The following COG5 variants were observed in gnomAD, a reference collection of about 807,000 sequenced individuals.
COG5 encodes the protein conserved oligomeric Golgi complex subunit 5.
COG5 carries 86 observed loss-of-function variants against 110.4 expected under a neutral mutation model. The ratio of observed to expected loss-of-function variants is 0.78; its 90% CI spans 0.65 to 0.93. The LOEUF (loss-of-function observed/expected upper bound fraction) is 0.93. COG5 is among the 40% of genes least tolerant of loss of function. The probability of loss-of-function intolerance (pLI) is 0.00; values close to 1 mark genes in which losing one functional copy is unlikely to be tolerated. For missense variants in COG5, 1,077 were observed against 987.0 expected (o/e 1.09, Z -1.22); for synonymous variants, 360 against 334.6 (o/e 1.08, Z -0.83).
intron 6 of COG5, among the ~76,000 whole-genome samples, chr7:107,508,544 C>G (rs949939808): frequency 5.3e-5 from 8 of 152,216 alleles, no homozygotes; most frequent in Admixed American, 1.3e-4. Flanking sequence ...GGTTCTTCCA[C>G]TACGCAGCTG....
chr7:107,495,958 T>C (rs1798248726), intron 6 of COG5, among the ~76,000 whole-genome samples: 1 of 151,832 alleles, frequency 6.6e-6, no homozygotes, highest in South Asian at 2.1e-4. Flanking sequence ...AATTATTTTT[T>C]TTTTTAAGAG....
intron 16 of COG5, 109 bp downstream of exon 16, chr7:107,256,623 T>A (rs567321891): frequency 1.4e-6 from 1 of 716,616 alleles, no homozygotes; most frequent in Admixed American, 2.2e-5. Flanking sequence ...GCTACTTTTG[T>A]ATATATAGAG....
chr7:107,397,401 C>T (rs1293241000), intron 7 of COG5, among the ~76,000 whole-genome samples: 1 of 152,152 alleles, frequency 6.6e-6, no homozygotes, highest in South Asian at 2.1e-4. Context: ...ATGTTAGCAC[C>T]ACCTACACCC....
At chr7:107,512,039 T>C (rs1300306273) in intron 6 of COG5, among the ~76,000 whole-genome samples, 2 of 152,190 alleles carry the variant, frequency 1.3e-5, no homozygotes, top group East Asian at 3.8e-4. Context: ...TTGGAAGTTC[T>C]GGCCAGGGCA....
chr7:107,540,164 G>C (rs116943190), intron 5 of COG5, among the ~76,000 whole-genome samples: 74 of 152,314 alleles, frequency 4.9e-4, no homozygotes, highest in Middle Eastern at 3.4e-3. Flanking sequence ...GCATGTGTGA[G>C]AGGAAGCACA....
At chr7:107,412,348 TTAACGA>T (rs1272576074) in intron 7 of COG5, among the ~76,000 whole-genome samples, 148 bp downstream of exon 7, 1 of 144,676 alleles carries the variant, frequency 6.9e-6, no homozygotes, top group East Asian at 2.2e-4. Flanking sequence ...AAAATTTCCC[TTAACGA>T]TGACCCATTC....
At chr7:107,518,447 A>T (rs897790775) in intron 6 of COG5, among the ~76,000 whole-genome samples, 1 of 152,222 alleles carries the variant, frequency 6.6e-6, no homozygotes, top group African/African-American at 2.4e-5. Context: ...TAGGCTCAAA[A>T]TAAGAGGATA....
intron 6 of COG5, among the ~76,000 whole-genome samples, chr7:107,487,604 A>G (rs796918803): frequency 9.9e-5 from 15 of 152,272 alleles, no homozygotes; most frequent in African/African-American, 3.6e-4. Flanking sequence ...ATTAAGCAAA[A>G]ACCTCAAACA....
Position 107,378,294 on chromosome 7 carries a change from A to C in COG5, c.670-5534T>G, listed in dbSNP as rs973630797. On this transcript the variant is annotated intron_variant, in intron 7 of 21. Coordinates refer to ENST00000297135, the MANE Select transcript of COG5 (RefSeq NM_006348.5). Reference sequence around the variant, plus strand: ...CACCAACAGCAAAGACCAAAGGTAGATAAAACCACAAAGATGAGGAAAAAC... The same window carrying C: ...CACCAACAGCAAAGACCAAAGGTAGCTAAAACCACAAAGATGAGGAAAAAC... 2.0e-5 allele frequency among the ~76,000 whole-genome samples: 3 copies of C among 152,224 alleles called. No individual in the cohort carries two copies. The East Asian group carries it at 5.8e-4, about 29-fold the overall frequency.
At chr7:107,408,849 T>G (rs931278340) in intron 7 of COG5, among the ~76,000 whole-genome samples, 3 of 152,172 alleles carry the variant, frequency 2.0e-5, no homozygotes, top group African/African-American at 7.2e-5. Flanking sequence ...GGTAGCAATA[T>G]GTGCCCAACT....
At chr7:107,233,700 C>A (rs1191086297) in intron 18 of COG5, among the ~76,000 whole-genome samples, 1 of 152,062 alleles carries the variant, frequency 6.6e-6, no homozygotes, top group Non-Finnish European at 1.5e-5. Context: ...TTTTTGATTT[C>A]AGTGACCTCA....
At chr7:107,523,440 A>G (rs1800476215) in intron 6 of COG5, among the ~76,000 whole-genome samples, 1 of 152,098 alleles carries the variant, frequency 6.6e-6, no homozygotes, top group Non-Finnish European at 1.5e-5. Flanking sequence ...CATACCTATT[A>G]GAATGACTAA....
At position 107,201,895 on chromosome 7, in the gene COG5, A is replaced by G. The variant is rs544557530; in HGVS notation, c.*1621T>C. ...GCTGGGAGTCGGCCTTTCCTCTAGT[A>G]ACCACCACATGGCTCAGCATCTGTG... On this transcript the variant is annotated 3_prime_UTR_variant, in exon 22 of 22. Transcript: ENST00000297135. 5.2e-5 allele frequency: 8 copies of G among 153,398 alleles called. No individual in the cohort carries two copies. The highest frequency in any genetic ancestry group is 1.7e-4 in the African/African-American group (7 of 41,578). 9.5% of individuals were successfully genotyped at this position (153,398 alleles called of 1,614,324 possible).
At chr7:107,209,684 G>T in intron 21 of COG5, 1 of 362,444 alleles carries the variant, frequency 2.8e-6, no homozygotes, top group Non-Finnish European at 3.8e-6. Context: ...TGGCTGTGGT[G>T]TAATGCAAGC....
chr7:107,521,505 G>C (rs1401548510), intron 6 of COG5, among the ~76,000 whole-genome samples: 1 of 152,208 alleles, frequency 6.6e-6, no homozygotes, highest in East Asian at 1.9e-4. Context: ...CTTCTCAAAA[G>C]ACGACATTTA....
chr7:107,267,212 C>T (rs1201423930), intron 14 of COG5, among the ~76,000 whole-genome samples: 1 of 152,192 alleles, frequency 6.6e-6, no homozygotes, highest in Non-Finnish European at 1.5e-5. Context: ...CTTTCTCAAC[C>T]TAACTTTCTC....
chr7:107,484,618 C>G (rs1336045745), intron 6 of COG5, among the ~76,000 whole-genome samples: 1 of 152,148 alleles, frequency 6.6e-6, no homozygotes, highest in South Asian at 2.1e-4. Context: ...CTTAATGATA[C>G]CTTAAGTCTC....
At chr7:107,274,413 C>G (rs1185955956) in intron 14 of COG5, among the ~76,000 whole-genome samples, 1 of 152,080 alleles carries the variant, frequency 6.6e-6, no homozygotes, top group Non-Finnish European at 1.5e-5. Context: ...ACTCTTCACC[C>G]CCTTTGTATC....
chr7:107,508,064 C>G (rs2129141472), intron 6 of COG5, among the ~76,000 whole-genome samples: 1 of 152,342 alleles, frequency 6.6e-6, no homozygotes, highest in East Asian at 1.9e-4. Flanking sequence ...CATGCACGAG[C>G]CGAAGCAGGG....
Sources: allele counts gnomAD v4.1 joint callset (sites outside exome capture counted in the v4.1 genomes callset), GRCh38; gene constraint gnomAD v4.1.1; transcripts MANE v1.5; gene names NCBI Gene and HGNC (gene_info 2026-07-23, HGNC 2026-07-21).